Variants in NKD1 observed in about 807,000 individuals in gnomAD.
NKD1 encodes protein naked cuticle homolog 1.
A neutral mutation model predicts 56.0 loss-of-function variants in NKD1; 21 were observed. The ratio of observed to expected loss-of-function variants is 0.38; its 90% CI spans 0.27 to 0.54. The LOEUF (loss-of-function observed/expected upper bound fraction) is 0.54. NKD1 is among the 20% of genes least tolerant of loss of function. The pLI, the probability that NKD1 is intolerant of heterozygous loss-of-function variation, is 0.82. For missense variants in NKD1, 578 were observed against 642.7 expected (o/e 0.90, Z 1.09); for synonymous variants, 263 against 265.7 (o/e 0.99, Z 0.10).
chr16:50,594,624 T>C (rs1295808891), intron 3 of NKD1, among the ~76,000 whole-genome samples: 1 of 152,170 alleles, frequency 6.6e-6, no homozygotes. Context: ...GGGGTATAAA[T>C]TATGCTTCTG....
Position 50,623,568 on chromosome 16 carries a change from G to A in NKD1, c.366+1860G>A, listed in dbSNP as rs565102046. On this transcript the variant is annotated intron_variant, in intron 5 of 9. Transcript: ENST00000268459. This position sits in a 1 kb window ranked among gnomAD's most constrained non-coding sequence, Gnocchi z 4.1. ...TCTGGAGGGGCAGACTTGGGACTGA[G>A]CTGTGGTCCATGGGCAGGACTCAAC... is the stretch of plus-strand genomic sequence containing the variant. 6.6e-6 allele frequency among the ~76,000 whole-genome samples: 1 copy of A among 152,256 alleles called. No individual in the cohort carries two copies. The highest frequency in any genetic ancestry group is 2.4e-5 in the African/African-American group (1 of 41,558).
chr16:50,645,721 G>GA lies in NKD1; in HGVS notation c.*11943dup, dbSNP rs1962664881. 6.6e-6 allele frequency: 1 copy of GA among 152,204 alleles called. No homozygotes were observed. Among genetic ancestry groups the GA allele is most frequent in the Non-Finnish European group, 1.5e-5 (1 of 68,048 alleles). 9.4% of individuals were successfully genotyped at this position (152,204 alleles called of 1,614,324 possible). ...CGTTGTTTATGACGTTCTTACCCATGAAAGCGCTCAAGGATCCGCTTGCTT... is the reference window on the plus strand; with the variant it reads ...CGTTGTTTATGACGTTCTTACCCATGAAAAGCGCTCAAGGATCCGCTTGCTT... On this transcript the variant is annotated 3_prime_UTR_variant, in exon 10 of 10. Coordinates refer to ENST00000268459, the MANE Select transcript of NKD1 (RefSeq NM_033119.5).
chr16:50,592,829 A>G (rs764826364), intron 3 of NKD1, among the ~76,000 whole-genome samples: 3 of 152,122 alleles, frequency 2.0e-5, no homozygotes, highest in Non-Finnish European at 4.4e-5. Flanking sequence ...GGGCTAGTGC[A>G]GAAGCGGGTG....
intron 4 of NKD1, among the ~76,000 whole-genome samples, chr16:50,611,975 A>C (rs1312165573): frequency 6.6e-6 from 1 of 152,142 alleles, no homozygotes. Context: ...CCGTGTTTAT[A>C]ATCATTTACC....
chr16:50,611,244 C>T (rs552888681), intron 4 of NKD1, among the ~76,000 whole-genome samples: 1 of 152,314 alleles, frequency 6.6e-6, no homozygotes, highest in South Asian at 2.1e-4. Context: ...TGAACGCTGC[C>T]CCCGCCCAGC....
At position 50,646,009 on chromosome 16, in the gene NKD1, C is replaced by T. The variant is rs1962671252; in HGVS notation, c.*12228C>T. On this transcript the variant is annotated 3_prime_UTR_variant, in exon 10 of 10. Transcript: ENST00000268459. ...ACTTAAACGTGGGGGATTTAAAAGG[C>T]CCCTATGTTCCCACTTTGTGCTTTG... 6.6e-6 allele frequency: 1 copy of T among 151,834 alleles called. No homozygotes were observed. The highest frequency in any genetic ancestry group is 2.4e-5 in the African/African-American group (1 of 41,288). The allele number at this position is 151,834 out of a possible 1,614,324, so 9.4% of individuals were successfully genotyped here.
chr16:50,610,751 G>A (rs985436464), intron 4 of NKD1, among the ~76,000 whole-genome samples: 5 of 152,198 alleles, frequency 3.3e-5, no homozygotes, highest in African/African-American at 9.6e-5. Context: ...ATGTAAAGCC[G>A]GCCCTAATCC....
intron 3 of NKD1, among the ~76,000 whole-genome samples, chr16:50,562,986 A>AC (rs1307651263): frequency 0.014 from 872 of 60,390 alleles, 22 homozygotes; most frequent in South Asian, 0.033. Flanking sequence ...TCCCACCACC[A>AC]CCCCCCCCCC....
chr16:50,571,332 A>G (rs948850105), intron 3 of NKD1: 1 of 218,266 alleles, frequency 4.6e-6, no homozygotes, highest in African/African-American at 2.3e-5. Context: ...TCAGCAATGC[A>G]GCCAGGATGA....
intron 3 of NKD1, among the ~76,000 whole-genome samples, chr16:50,568,793 G>A (rs1960819335): frequency 6.6e-6 from 1 of 151,986 alleles, no homozygotes. Context: ...TTGAAATTCT[G>A]CCCCCCCAGA....
Position 50,576,353 on chromosome 16 carries a change from G to A in NKD1, c.192+26798G>A, listed in dbSNP as rs371685171. 2.1e-4 allele frequency among the ~76,000 whole-genome samples: 32 copies of A among 152,288 alleles called. No homozygotes were observed. In the East Asian group the frequency reaches 2.3e-3, roughly 11 times the overall value. ...TCCCTCTCCTCTCCTCCTCCAGATAGCAAAGAAGATGTAACCCCTAGTGAT... is the reference window on the plus strand; with the variant it reads ...TCCCTCTCCTCTCCTCCTCCAGATAACAAAGAAGATGTAACCCCTAGTGAT... On this transcript the variant is annotated intron_variant, in intron 3 of 9. Coordinates refer to ENST00000268459, the MANE Select transcript of NKD1 (RefSeq NM_033119.5).
intron 3 of NKD1, among the ~76,000 whole-genome samples, chr16:50,588,598 CTTTT>C (rs574622414): frequency 3.2e-5 from 3 of 94,676 alleles, no homozygotes; most frequent in South Asian, 3.6e-4. Context: ...TTTTCTTCTG[CTTTT>C]TTTTTTTTTT....
chr16:50,552,983 G>A (rs564865637), intron 3 of NKD1, among the ~76,000 whole-genome samples: 69 of 152,340 alleles, frequency 4.5e-4, no homozygotes, highest in Non-Finnish European at 8.4e-4. Flanking sequence ...AATGGGAGGC[G>A]CACGAGTACT....
chr16:50,616,212 C>A, intron 4 of NKD1: 2 of 384,076 alleles, frequency 5.2e-6, no homozygotes, highest in Non-Finnish European at 5.5e-6. Context: ...TTAAATCTTA[C>A]ATTGTATTCA....
At chr16:50,606,424 A>G (rs1262805056) in intron 3 of NKD1, 3 of 250,098 alleles carry the variant, frequency 1.2e-5, no homozygotes, top group Admixed American at 9.4e-5. Context: ...GGAGCTTTCC[A>G]GTGTTCTCCA....
rs1238099183 is a variant in NKD1, at chr16:50,635,464, A to G, written c.*1683A>G. The G allele has an allele frequency of 6.6e-6, 1 of 152,230 alleles. No homozygotes were observed. The highest frequency in any genetic ancestry group is 1.9e-4 in the East Asian group (1 of 5,196). The allele number at this position is 152,230 out of a possible 1,614,324, so 9.4% of individuals were successfully genotyped here. ...AGACTCAAGAGGGAGAAGTGACTCC[A>G]GCTACCTTCCTTTCTGCCGTTTTGT... On this transcript the variant is annotated 3_prime_UTR_variant, in exon 10 of 10. Coordinates refer to ENST00000268459, the MANE Select transcript of NKD1 (RefSeq NM_033119.5). The surrounding 1 kb of genome is among the most constrained non-coding windows in gnomAD (Gnocchi z 4.1).
chr16:50,621,119 C>G (rs1249604240), intron 4 of NKD1, among the ~76,000 whole-genome samples: 2 of 152,274 alleles, frequency 1.3e-5, no homozygotes, highest in Non-Finnish European at 2.9e-5. Flanking sequence ...CAGTTGAACT[C>G]TGTTTCTGGC....
chr16:50,593,791 T>C (rs1156296517), intron 3 of NKD1, among the ~76,000 whole-genome samples: 1 of 152,238 alleles, frequency 6.6e-6, no homozygotes, highest in Non-Finnish European at 1.5e-5. Context: ...TCCCAAATAC[T>C]ACATGGGACA....
chr16:50,633,428 A>G lies in NKD1; in HGVS notation c.1060A>G (p.Lys354Glu). 6.2e-7 allele frequency: 1 copy of G among 1,612,650 alleles called. No homozygotes were observed. Among genetic ancestry groups the G allele is most frequent in the African/African-American group, 1.3e-5 (1 of 75,032 alleles). The part of the protein sequence containing the change: ...HFVRSPKAQG[K>E]SVGVGHVARG... ...TGTGAGGTCCCCCAAGGCCCAGGGC[A>G]AGAGTGTGGGTGTGGGCCACGTGGC... is the stretch of plus-strand genomic sequence containing the variant. Residue 354 changes from lysine to glutamate, a missense_variant, in exon 10 of 10, where the codon AAG becomes GAG. Physicochemically the swap from Lys to Glu is moderately conservative, Grantham distance 56. Coordinates refer to ENST00000268459, the MANE Select transcript of NKD1 (RefSeq NM_033119.5). The surrounding 1 kb of genome is among the most constrained non-coding windows in gnomAD (Gnocchi z 4.9).
Sources: gnomAD v4.1 joint callset for allele counts (sites outside exome capture counted in the v4.1 genomes callset) on GRCh38, gnomAD v4.1.1 for gene constraint, Gnocchi (gnomAD v3.1) non-coding constraint, MANE v1.5 for transcripts, NCBI Gene and HGNC (gene_info 2026-07-23, HGNC 2026-07-21) for gene names.